Variants in DCTN6 observed in about 807,000 individuals in gnomAD.
DCTN6 encodes the protein dynactin 6.
DCTN6 carries 15 observed loss-of-function variants against 25.8 expected under a neutral mutation model. The observed-to-expected ratio is 0.58, with a 90% CI of 0.39 to 0.89. DCTN6 has a LOEUF of 0.89. Ranked by LOEUF, DCTN6 falls within the 40% of genes least tolerant of loss-of-function variation. DCTN6 has a pLI of 0.00. For missense variants in DCTN6, 198 were observed against 237.6 expected, an observed-to-expected ratio of 0.83 and a Z score of 1.09; for synonymous variants, 64 against 78.3, an observed-to-expected ratio of 0.82 and a Z score of 0.96.
At chr8:30,167,547 C>G (rs1213694423) in intron 2 of DCTN6, among the ~76,000 whole-genome samples, 2 of 152,116 alleles carry the variant, frequency 1.3e-5, no homozygotes, top group Non-Finnish European at 2.9e-5. Context: ...TCTCAAACTC[C>G]TGGCCTCAGT....
intron 2 of DCTN6, among the ~76,000 whole-genome samples, chr8:30,174,858 G>C (rs564563335): frequency 6.6e-6 from 1 of 152,210 alleles, no homozygotes; most frequent in Admixed American, 6.5e-5. Context: ...AGCCAGAGCT[G>C]TCTGGCTCTA....
chr8:30,158,511 T>C lies in DCTN6; in HGVS notation c.23+2105T>C, dbSNP rs565522479. On this transcript the variant is annotated intron_variant, in intron 1 of 6. Coordinates refer to ENST00000221114, the MANE Select transcript of DCTN6 (RefSeq NM_006571.4). ...AGAAAACTTTCAACTAGAAGACAGA[T>C]GACTGATTTCAGGACAGTGATGCCC... 7.2e-5 allele frequency among the ~76,000 whole-genome samples: 11 copies of C among 152,234 alleles called. No homozygotes were observed. The South Asian group carries it at 2.1e-3, about 29-fold the overall frequency.
rs964228129 is a variant in DCTN6 at position 30,170,646 on chromosome 8, AT to A, written c.89-4426del. Among the ~76,000 whole-genome samples the A allele has an allele frequency of 5.5e-4, 80 of 146,192 alleles. 1 individual carries two copies. Among genetic ancestry groups the A allele is most frequent in the Admixed American group, 6.8e-4 (10 of 14,602 alleles). ...TCTTATGGGACTTGGGGTTGTTTTA[AT>A]TTTTTTTTTTTTGAGACAGAGTCTC... is the stretch of plus-strand genomic sequence containing the variant. On this transcript the variant is annotated intron_variant, in intron 2 of 6. Transcript: ENST00000221114.
chr8:30,171,998 T>G (rs950554080), intron 2 of DCTN6, among the ~76,000 whole-genome samples: 7 of 152,188 alleles, frequency 4.6e-5, no homozygotes, highest in Non-Finnish European at 7.3e-5. Context: ...GCTGGGGCTT[T>G]GATTACAAAG....
chr8:30,177,423 A>T (rs1304772851), intron 4 of DCTN6: 2 of 390,482 alleles, frequency 5.1e-6, no homozygotes, highest in East Asian at 4.9e-5. Flanking sequence ...TAGGTCATCC[A>T]GGCTGGGTGC....
chr8:30,157,390 A>T (rs971131565), intron 1 of DCTN6, among the ~76,000 whole-genome samples: 1 of 152,202 alleles, frequency 6.6e-6, no homozygotes, highest in Non-Finnish European at 1.5e-5. Flanking sequence ...TAGTACAGTG[A>T]TAGTCATAGG....
intron 2 of DCTN6, among the ~76,000 whole-genome samples, chr8:30,173,745 A>AC (rs1314692280): frequency 2.6e-5 from 4 of 151,192 alleles, no homozygotes; most frequent in Admixed American, 6.6e-5. Flanking sequence ...AAAAAAAAAA[A>AC]AAAAAAAAAC....
intron 1 of DCTN6, among the ~76,000 whole-genome samples, chr8:30,161,377 T>C (rs1563228029): frequency 6.6e-6 from 1 of 152,168 alleles, no homozygotes; most frequent in Admixed American, 6.5e-5. Context: ...CTGCATTATC[T>C]CTGTAGGATT....
At chr8:30,160,619 C>T (rs113370351) in intron 1 of DCTN6, among the ~76,000 whole-genome samples, 299 of 151,282 alleles carry the variant, frequency 2.0e-3, no homozygotes, top group Non-Finnish European at 2.9e-3. Flanking sequence ...AACCTCAGAT[C>T]GAAAATAGGA....
intron 1 of DCTN6, among the ~76,000 whole-genome samples, chr8:30,161,069 G>A (rs1350631767): frequency 1.3e-5 from 2 of 152,126 alleles, no homozygotes. Flanking sequence ...CCTGTTGAGG[G>A]AGGGACCCGT....
chr8:30,171,170 A>G (rs1803757554), intron 2 of DCTN6, among the ~76,000 whole-genome samples: 1 of 152,102 alleles, frequency 6.6e-6, no homozygotes, highest in African/African-American at 2.4e-5. Context: ...CCGGCAGAAT[A>G]TCTAGTGTCT....
intron 5 of DCTN6, 27 bp from the exon 6 acceptor site, chr8:30,180,461 G>A (rs1291494308): frequency 6.2e-7 from 1 of 1,601,480 alleles, no homozygotes; most frequent in Non-Finnish European, 8.5e-7. Context: ...GTCTTAAGTT[G>A]CAGTTCTTTC....
intron 1 of DCTN6, among the ~76,000 whole-genome samples, chr8:30,163,887 A>C (rs1803630435): frequency 6.6e-6 from 1 of 152,006 alleles, no homozygotes; most frequent in African/African-American, 2.4e-5. Context: ...TTTTTAGTAG[A>C]GATGGGGTTT....
intron 6 of DCTN6, among the ~76,000 whole-genome samples, chr8:30,182,079 T>G (rs1308882666): frequency 6.6e-6 from 1 of 152,136 alleles, no homozygotes; most frequent in Non-Finnish European, 1.5e-5. Context: ...ACTTTCTACA[T>G]AACAGCAAAA....
intron 2 of DCTN6, among the ~76,000 whole-genome samples, chr8:30,167,120 A>G (rs891231301): frequency 2.0e-5 from 3 of 150,694 alleles, no homozygotes; most frequent in Non-Finnish European, 4.4e-5. Context: ...AGAGAAAGGG[A>G]AGGAAGGAAG....
chr8:30,170,375 A>T (rs1215928748), intron 2 of DCTN6, among the ~76,000 whole-genome samples: 2 of 152,090 alleles, frequency 1.3e-5, no homozygotes, highest in African/African-American at 4.8e-5. Context: ...TCAGCCTCTT[A>T]ACACTGGGAC....
chr8:30,163,291 C>G (rs1803620579), intron 1 of DCTN6, among the ~76,000 whole-genome samples: 1 of 151,724 alleles, frequency 6.6e-6, no homozygotes, highest in Non-Finnish European at 1.5e-5. Context: ...GAGTGAAACT[C>G]TGTCTCAAAA....
intron 6 of DCTN6, 86 bp from the exon 7 acceptor site, chr8:30,182,989 C>A: frequency 1.8e-6 from 2 of 1,099,758 alleles, no homozygotes; most frequent in Non-Finnish European, 2.8e-6. Context: ...GCTGAGATTA[C>A]AGGCATGACC....
Position 30,174,980 on chromosome 8 carries a change from A to C in DCTN6, c.89-105A>C, listed in dbSNP as rs530957807. 13 of 1,014,552 alleles carry C rather than the reference A, an allele frequency of 1.3e-5. No individual in the cohort carries two copies. The South Asian group carries it at 1.8e-4, about 14-fold the overall frequency. The allele number at this position is 1,014,552 out of a possible 1,614,324, so 62.8% of individuals were successfully genotyped here. ...CTAGCTTGGTGCCTGGCACATACTT[A>C]GAAAATGTTCCTCCCAACAGCCTCA... On this transcript the variant is annotated intron_variant, in intron 2 of 6. Coordinates refer to ENST00000221114, the MANE Select transcript of DCTN6 (RefSeq NM_006571.4).
Sources: gnomAD v4.1 joint callset for allele counts (sites outside exome capture counted in the v4.1 genomes callset) on GRCh38, gnomAD v4.1.1 for gene constraint, MANE v1.5 for transcripts, NCBI Gene and HGNC (gene_info 2026-07-23, HGNC 2026-07-21) for gene names.